Variants in ACSF2 observed in about 807,000 individuals in gnomAD.
The protein encoded by ACSF2 is medium-chain acyl-CoA ligase ACSF2, mitochondrial.
In ACSF2, 52 loss-of-function variants were observed where a neutral mutation model predicts 79.3. The ratio of observed to expected loss-of-function variants is 0.66; its 90% CI spans 0.53 to 0.83. ACSF2 has a LOEUF of 0.83. Ranked by LOEUF, ACSF2 falls within the 40% of genes least tolerant of loss-of-function variation. The probability of loss-of-function intolerance (pLI) is 0.00; values close to 1 mark genes in which losing one functional copy is unlikely to be tolerated. For missense variants in ACSF2, 661 were observed against 803.3 expected (o/e 0.82, Z 2.14); for synonymous variants, 283 against 312.6 (o/e 0.91, Z 1.00).
intron 1 of ACSF2, among the ~76,000 whole-genome samples, chr17:50,443,577 A>G (rs1255141916): frequency 1.3e-5 from 2 of 152,136 alleles, no homozygotes; most frequent in African/African-American, 4.8e-5. Context: ...TGACAGATAA[A>G]TGCTTCTTGA....
rs374140266 is a variant in ACSF2 at position 50,469,438 on chromosome 17, G to A, written c.1216-1590G>A. ...GGCGTCGGTCTCCCACTTCAGACTC[G>A]ACGCGCCGAAGCTGGCCCTGGGTAG... On this transcript the variant is annotated intron_variant, in intron 10 of 15. Transcript: ENST00000300441. Among the ~76,000 whole-genome samples, 372 of 152,222 alleles carry A rather than the reference G, an allele frequency of 2.4e-3. 1 individual carries two copies. The highest frequency in any genetic ancestry group is 8.7e-3 in the African/African-American group (362 of 41,560).
intron 1 of ACSF2, among the ~76,000 whole-genome samples, chr17:50,430,681 T>C (rs1162929010): frequency 6.6e-6 from 1 of 152,020 alleles, no homozygotes; most frequent in Non-Finnish European, 1.5e-5. Flanking sequence ...AATAAATAAA[T>C]GAAAAGAAGA....
At chr17:50,430,953 C>T (rs1233476079) in intron 1 of ACSF2, among the ~76,000 whole-genome samples, 1 of 152,138 alleles carries the variant, frequency 6.6e-6, no homozygotes, top group African/African-American at 2.4e-5. Context: ...TTCTTGTGAC[C>T]AACAGTTTAC....
chr17:50,472,081 A>T (rs1328911124), intron 11 of ACSF2: 4 of 238,380 alleles, frequency 1.7e-5, no homozygotes, highest in African/African-American at 9.3e-5. Flanking sequence ...CTTAATGGGA[A>T]GTAAGAGGAG....
intron 1 of ACSF2, among the ~76,000 whole-genome samples, chr17:50,448,191 G>A (rs946592764): frequency 2.0e-5 from 3 of 152,226 alleles, no homozygotes; most frequent in Admixed American, 6.5e-5. Context: ...TGTACAGCAT[G>A]TTACTGTCCT....
chr17:50,451,140 T>C (rs1390836494), intron 1 of ACSF2, among the ~76,000 whole-genome samples: 1 of 152,158 alleles, frequency 6.6e-6, no homozygotes, highest in Non-Finnish European at 1.5e-5. Context: ...AATCTCACTA[T>C]GTTGCCCAGA....
intron 1 of ACSF2, among the ~76,000 whole-genome samples, chr17:50,445,091 T>G (rs1372232044): frequency 1.3e-5 from 2 of 152,008 alleles, no homozygotes; most frequent in Non-Finnish European, 2.9e-5. Context: ...ATTTTTAAAT[T>G]TTTTATAGAG....
At chr17:50,473,460 T>C (rs1660088349) in intron 12 of ACSF2, 8 of 610,440 alleles carry the variant, frequency 1.3e-5, no homozygotes, top group Non-Finnish European at 2.3e-5. Context: ...ACAGAATATG[T>C]TATAGGTATT....
intron 1 of ACSF2, among the ~76,000 whole-genome samples, chr17:50,441,787 G>C (rs998627237): frequency 6.6e-6 from 1 of 152,020 alleles, no homozygotes; most frequent in Non-Finnish European, 1.5e-5. Context: ...CAGTGTATTA[G>C]ACATTTTCCA....
intron 10 of ACSF2, chr17:50,465,707 C>T (rs1036430229): frequency 9.9e-6 from 16 of 1,612,982 alleles, no homozygotes; most frequent in South Asian, 4.4e-5. Flanking sequence ...GTGTTCTTAC[C>T]GCCGAAGGCC....
intron 1 of ACSF2, among the ~76,000 whole-genome samples, chr17:50,435,956 A>C (rs1412575159): frequency 6.6e-6 from 1 of 151,574 alleles, no homozygotes; most frequent in Admixed American, 6.6e-5. Context: ...TTTGTTTTTA[A>C]TGGATCTTGC....
At chr17:50,468,002 A>G (rs1266238189) in intron 10 of ACSF2, 4 of 1,523,168 alleles carry the variant, frequency 2.6e-6, no homozygotes, top group South Asian at 2.7e-5. Context: ...CAGGAAGGGA[A>G]GAAGGAACCA....
intron 10 of ACSF2, chr17:50,467,976 T>C: frequency 6.7e-7 from 1 of 1,495,556 alleles, no homozygotes; most frequent in South Asian, 1.4e-5. Context: ...GCTGTGGCCC[T>C]GGCTCCTGGG....
At chr17:50,436,974 G>C (rs1436700889) in intron 1 of ACSF2, among the ~76,000 whole-genome samples, 1 of 152,160 alleles carries the variant, frequency 6.6e-6, no homozygotes, top group Non-Finnish European at 1.5e-5. Flanking sequence ...AGCTATTACA[G>C]GTTCAGACTC....
At chr17:50,432,050 T>A (rs933234256) in intron 1 of ACSF2, among the ~76,000 whole-genome samples, 3 of 152,008 alleles carry the variant, frequency 2.0e-5, no homozygotes, top group Admixed American at 6.6e-5. Flanking sequence ...CAGGCCTGCG[T>A]CACTACACCC....
chr17:50,455,432 T>C (rs2412324), intron 1 of ACSF2, among the ~76,000 whole-genome samples: 94,384 of 151,940 alleles, frequency 0.62, 31,191 homozygotes, highest in African/African-American at 0.84. Flanking sequence ...GTAGAGAGAG[T>C]AAACAGGGAG....
Position 50,462,274 on chromosome 17 carries a change from G to T in ACSF2, c.598G>T (p.Ala200Ser). The change falls in exon 5 of 16, where the codon GCC becomes TCC. Residue 200 changes from alanine to serine, a missense_variant. By Grantham distance (99) the Ala-to-Ser change is moderately conservative. Transcript: ENST00000300441. ...GCAGATCTGTCCAGAAGTGGAGAATGCCCAGCCAGGGGCCTTGAAGAGTCA... is the reference window on the plus strand; with the variant it reads ...GCAGATCTGTCCAGAAGTGGAGAATTCCCAGCCAGGGGCCTTGAAGAGTCA... ...LKQICPEVEN[A>S]QPGALKSQRL... is the part of the protein sequence containing the mutation. 1 of 1,614,072 alleles carries T rather than the reference G, an allele frequency of 6.2e-7. No homozygotes were observed. The highest frequency in any genetic ancestry group is 1.1e-5 in the South Asian group (1 of 91,076).
At chr17:50,438,621 C>T (rs766020820) in intron 1 of ACSF2, among the ~76,000 whole-genome samples, 11 of 151,762 alleles carry the variant, frequency 7.2e-5, no homozygotes, top group Non-Finnish European at 1.6e-4. Flanking sequence ...GGCTGGAGTA[C>T]GACAGCGCTG....
intron 10 of ACSF2, among the ~76,000 whole-genome samples, chr17:50,466,215 T>C (rs901057366): frequency 2.0e-5 from 3 of 151,306 alleles, no homozygotes; most frequent in African/African-American, 7.3e-5. Context: ...GCCTCCTGAG[T>C]AGCTGGGACT....
Sources: gnomAD v4.1 joint callset for allele counts (sites outside exome capture counted in the v4.1 genomes callset) on GRCh38, gnomAD v4.1.1 for gene constraint, MANE v1.5 for transcripts, NCBI Gene and HGNC (gene_info 2026-07-23, HGNC 2026-07-21) for gene names.